Variants in FNBP1L observed in about 807,000 individuals in gnomAD.
FNBP1L encodes the protein formin binding protein 1 like, also known as formin-binding protein 1-like.
FNBP1L carries 36 observed loss-of-function variants against 91.2 expected under a neutral mutation model. That is an observed-to-expected ratio of 0.39 (90% CI 0.30 to 0.52). FNBP1L has a LOEUF of 0.52. FNBP1L is among the 20% of genes least tolerant of loss of function. The pLI is 0.66. For synonymous variants in FNBP1L, 242 were observed against 237.0 expected, an observed-to-expected ratio of 1.02 and a Z score of -0.19; for missense variants, 571 against 732.1, an observed-to-expected ratio of 0.78 and a Z score of 2.54.
chr1:93,468,017 C>T (rs1291327547), intron 1 of FNBP1L, among the ~76,000 whole-genome samples: 1 of 152,216 alleles, frequency 6.6e-6, no homozygotes, highest in Non-Finnish European at 1.5e-5. Context: ...TAGTCATCCC[C>T]TCTTCCCGTG....
chr1:93,468,029 A>G (rs1298883734), intron 1 of FNBP1L, among the ~76,000 whole-genome samples: 1 of 152,144 alleles, frequency 6.6e-6, no homozygotes, highest in African/African-American at 2.4e-5. Context: ...CTTCCCGTGT[A>G]ACCACTGATC....
At chr1:93,476,534 G>A (rs1669499834) in intron 1 of FNBP1L, among the ~76,000 whole-genome samples, 1 of 152,150 alleles carries the variant, frequency 6.6e-6, no homozygotes, top group African/African-American at 2.4e-5. Context: ...GGTGGAAAGA[G>A]AGCTATTAAT....
Position 93,524,312 on chromosome 1 carries a change from CAG to C in FNBP1L, c.396_397del (p.Gln132HisfsTer3). 2 of 1,505,074 alleles carry C rather than the reference CAG, an allele frequency of 1.3e-6. No homozygotes were observed. Among genetic ancestry groups the C allele is most frequent in the African/African-American group, 1.4e-5 (1 of 71,136 alleles). The allele number at this position is 1,505,074 out of a possible 1,614,324, so 93.2% of individuals were successfully genotyped here. ...AQQYLDMCWK[Q>X]MDNSKKKFER... ...ACAATATCTTGACATGTGCTGGAAACAGATGGATAATGTGAGTTATGACATTT... is the reference window on the plus strand; with the variant it reads ...ACAATATCTTGACATGTGCTGGAAACATGGATAATGTGAGTTATGACATTT... On this transcript the variant is annotated frameshift_variant, in exon 5 of 17. Coordinates refer to ENST00000271234, the MANE Select transcript of FNBP1L (RefSeq NM_001164473.3). LOFTEE classifies it high-confidence loss of function.
rs1229825631 is a variant in FNBP1L at position 93,513,176 on chromosome 1, G to A, written c.141-8906G>A. ...ATAAACTAGAAAATCTAGAAGAAAT[G>A]GATAAATTCCTCGACACATACACTC... On this transcript the variant is annotated intron_variant, in intron 2 of 16. Transcript: ENST00000271234. 2.0e-5 allele frequency among the ~76,000 whole-genome samples: 3 copies of A among 151,972 alleles called. No homozygotes were observed. The East Asian group carries it at 5.8e-4, about 29-fold the overall frequency.
chr1:93,501,897 A>G (rs558476664), intron 2 of FNBP1L, among the ~76,000 whole-genome samples: 1 of 152,310 alleles, frequency 6.6e-6, no homozygotes, highest in East Asian at 1.9e-4. Flanking sequence ...ACTTTCCTGC[A>G]GAAAAATACA....
chr1:93,547,190 G>T (rs1672270694), intron 13 of FNBP1L, among the ~76,000 whole-genome samples, 157 bp from the exon 14 acceptor site: 1 of 151,988 alleles, frequency 6.6e-6, no homozygotes, highest in African/African-American at 2.4e-5. Flanking sequence ...TTTTGAATCA[G>T]CTATAAAGTT....
At chr1:93,476,165 T>G (rs1669487482) in intron 1 of FNBP1L, among the ~76,000 whole-genome samples, 1 of 152,218 alleles carries the variant, frequency 6.6e-6, no homozygotes, top group South Asian at 2.1e-4. Context: ...AACATTGCGA[T>G]AGTAATGTAC....
intron 16 of FNBP1L, chr1:93,551,664 C>T: frequency 2.0e-6 from 2 of 984,922 alleles, no homozygotes; most frequent in Non-Finnish European, 2.4e-6. Flanking sequence ...ACTTTGGTTT[C>T]CTAAAGGAAG....
At chr1:93,534,638 G>C (rs897626078) in intron 8 of FNBP1L, 67 bp from the exon 9 acceptor site, 38 of 1,061,076 alleles carry the variant, frequency 3.6e-5, no homozygotes, top group Middle Eastern at 6.0e-4. Flanking sequence ...TACTGAAAAA[G>C]TTATGAAAGC....
At chr1:93,463,710 A>G (rs1477088351) in intron 1 of FNBP1L, among the ~76,000 whole-genome samples, 2 of 152,192 alleles carry the variant, frequency 1.3e-5, no homozygotes, top group African/African-American at 4.8e-5. Flanking sequence ...CCTGTGGGAA[A>G]CAACTCTGTC....
At chr1:93,474,439 A>C (rs1052921121) in intron 1 of FNBP1L, among the ~76,000 whole-genome samples, 13 of 152,302 alleles carry the variant, frequency 8.5e-5, no homozygotes, top group African/African-American at 3.1e-4. Flanking sequence ...CTTACTCCGA[A>C]GATAAGTATT....
chr1:93,540,826 C>G (rs1394209065), intron 10 of FNBP1L, among the ~76,000 whole-genome samples: 1 of 147,098 alleles, frequency 6.8e-6, no homozygotes, highest in African/African-American at 2.5e-5. Context: ...AATATCTGCC[C>G]ATTATCATCA....
rs199611646 is a variant in FNBP1L at position 93,454,909 on chromosome 1, TTTTATTTATTTA to T, written c.24+6628_24+6639del. ...ATGTGCATATACTGTGCTGTTTTAT[TTTTATTTATTTA>T]TTTATTTATTTATTTATTTATTTTT... On this transcript the variant is annotated intron_variant, in intron 1 of 16. Coordinates refer to ENST00000271234, the MANE Select transcript of FNBP1L (RefSeq NM_001164473.3). Among the ~76,000 whole-genome samples, 801 of 150,926 alleles carry T rather than the reference TTTTATTTATTTA, an allele frequency of 5.3e-3. 10 individuals carry two copies. The highest frequency in any genetic ancestry group is 0.018 in the African/African-American group (745 of 40,950).
intron 11 of FNBP1L, among the ~76,000 whole-genome samples, chr1:93,542,382 C>T (rs911686344): frequency 1.5e-5 from 2 of 136,130 alleles, no homozygotes; most frequent in Non-Finnish European, 3.1e-5. Context: ...GAAATTTCAC[C>T]ATTGATTTAT....
chr1:93,457,726 T>C (rs980852770), intron 1 of FNBP1L, among the ~76,000 whole-genome samples: 1 of 151,808 alleles, frequency 6.6e-6, no homozygotes, highest in Non-Finnish European at 1.5e-5. Context: ...TAGCCCACCA[T>C]TACTGGAAAC....
rs528350701 is a variant in FNBP1L at position 93,540,908 on chromosome 1, C to T, written c.1150-134C>T. The T allele has an allele frequency of 4.4e-4, 252 of 567,690 alleles. 1 individual carries two copies. Among genetic ancestry groups the T allele is most frequent in the Non-Finnish European group, 6.1e-4 (229 of 377,106 alleles). 35.2% of individuals were successfully genotyped at this position (567,690 alleles called of 1,614,324 possible). ...AATGTGCTTAAAATGGTTTTTCTGG[C>T]ATAATTGTTTGGATTGTGAAATGTA... On this transcript the variant is annotated intron_variant, in intron 10 of 16. Transcript: ENST00000271234.
chr1:93,477,169 T>TTC (rs1011593901), intron 1 of FNBP1L, among the ~76,000 whole-genome samples: 2 of 152,192 alleles, frequency 1.3e-5, no homozygotes, highest in Non-Finnish European at 2.9e-5. Context: ...GAGAGATCAG[T>TTC]CAAGAGGCTA....
intron 2 of FNBP1L, among the ~76,000 whole-genome samples, chr1:93,516,851 C>T (rs1418989518): frequency 6.6e-6 from 1 of 152,100 alleles, no homozygotes; most frequent in African/African-American, 2.4e-5. Context: ...TAGAAAACAA[C>T]CCCATTTGTA....
At chr1:93,473,582 G>C (rs1669383529) in intron 1 of FNBP1L, among the ~76,000 whole-genome samples, 1 of 152,174 alleles carries the variant, frequency 6.6e-6, no homozygotes, top group Admixed American at 6.5e-5. Context: ...AAAGCACTGT[G>C]CCTAGTTCTG....
Sources: allele counts gnomAD v4.1 joint callset (sites outside exome capture counted in the v4.1 genomes callset), GRCh38; gene constraint gnomAD v4.1.1; transcripts MANE v1.5; gene names NCBI Gene and HGNC (gene_info 2026-07-23, HGNC 2026-07-21).